The following PLCH1 variants were observed in gnomAD, a reference collection of about 807,000 sequenced individuals.
PLCH1 encodes the protein 1-phosphatidylinositol 4,5-bisphosphate phosphodiesterase eta-1.
A neutral mutation model predicts 126.7 loss-of-function variants in PLCH1; 60 were observed. The observed-to-expected ratio is 0.47, with a 90% CI of 0.38 to 0.59. The LOEUF (loss-of-function observed/expected upper bound fraction) is 0.59, where lower values mean the gene tolerates loss of function less well. Among genes scored for constraint, PLCH1 ranks in the 20% least tolerant of loss-of-function variants. PLCH1 has a pLI of 0.00. For missense variants in PLCH1, 1,723 were observed against 2,040.0 expected (o/e 0.84, Z 2.99); for synonymous variants, 719 against 734.9 (o/e 0.98, Z 0.35).
chr3:155,698,299 G>A (rs186696237), intron 2 of PLCH1, among the ~76,000 whole-genome samples: 1 of 152,314 alleles, frequency 6.6e-6, no homozygotes, highest in East Asian at 1.9e-4. Flanking sequence ...AGCATTCACT[G>A]AGAGGCTTTC....
At chr3:155,603,722 G>C (rs1734029569) in intron 2 of PLCH1, among the ~76,000 whole-genome samples, 1 of 151,954 alleles carries the variant, frequency 6.6e-6, no homozygotes, top group Admixed American at 6.6e-5. Flanking sequence ...AAGCTTTTTA[G>C]AATAATTTTA....
intron 6 of PLCH1, among the ~76,000 whole-genome samples, chr3:155,571,490 T>C (rs1166729811): frequency 6.6e-6 from 1 of 152,184 alleles, no homozygotes; most frequent in Non-Finnish European, 1.5e-5. Context: ...AACCTCTGCT[T>C]ACCGCGTTCA....
Position 155,482,531 on chromosome 3 carries a change from C to A in PLCH1, c.3495G>T (p.Gln1165His). The change falls in exon 23 of 23, where the codon CAG (glutamine) becomes CAT (histidine). Residue 1165 changes from glutamine (Q) to histidine (H), a missense_variant. Gln to His is a conservative substitution (Grantham distance 24). Around this residue, in one of 2 missense-constraint regions of PLCH1, gnomAD observed 947 missense variants for 977.1 expected, o/e 0.97. Transcript: ENST00000460012. ...IPDLHSTAIL[Q>H]ESVISHLIDN... ...CAATAAGATGGGAAATTACACTCTC[C>A]TGCAGAATTGCAGTTGAATGTAGGT... 1 of 1,614,170 alleles carries A rather than the reference C, an allele frequency of 6.2e-7. No homozygotes were observed. Among genetic ancestry groups the A allele is most frequent in the East Asian group, 2.2e-5 (1 of 44,884 alleles).
chr3:155,564,426 G>A (rs1728041749), intron 8 of PLCH1, among the ~76,000 whole-genome samples: 1 of 152,112 alleles, frequency 6.6e-6, no homozygotes, highest in African/African-American at 2.4e-5. Context: ...TTAGTTGGGT[G>A]TGGTGGTGTG....
chr3:155,593,106 G>T (rs753201691), intron 4 of PLCH1, among the ~76,000 whole-genome samples: 4 of 152,064 alleles, frequency 2.6e-5, no homozygotes, highest in Non-Finnish European at 5.9e-5. Flanking sequence ...TCTAATGACG[G>T]CAAGGGAGTA....
chr3:155,685,197 C>T (rs1379362626), intron 2 of PLCH1, among the ~76,000 whole-genome samples: 1 of 152,122 alleles, frequency 6.6e-6, no homozygotes, highest in Non-Finnish European at 1.5e-5. Flanking sequence ...CAAAGGATAA[C>T]AGAGGGACTC....
intron 2 of PLCH1, among the ~76,000 whole-genome samples, chr3:155,597,708 G>A (rs1733157137): frequency 6.6e-6 from 1 of 152,034 alleles, no homozygotes; most frequent in Non-Finnish European, 1.5e-5. Context: ...GCCTATTAAA[G>A]GTCACTTCAA....
intron 2 of PLCH1, among the ~76,000 whole-genome samples, chr3:155,635,060 T>A (rs1394186968): frequency 1.3e-5 from 2 of 151,984 alleles, no homozygotes; most frequent in African/African-American, 2.4e-5. Context: ...GAGGATTCAA[T>A]GAATTAATGT....
At position 155,579,890 on chromosome 3, in the gene PLCH1, CTCTT is replaced by C. The variant is rs570529116; in HGVS notation, c.771+3578_771+3581del. Among the ~76,000 whole-genome samples, 1,296 of 152,086 alleles carry C rather than the reference CTCTT, an allele frequency of 8.5e-3. 10 individuals are homozygous for C. The highest frequency in any genetic ancestry group is 0.011 in the Non-Finnish European group (756 of 67,932). ...TGTGTCTGTCTCTGTCTGTCTGTCT[CTCTT>C]TCTCTCTCTCTCTCTCTCACACACA... On this transcript the variant is annotated intron_variant, in intron 6 of 22. Coordinates refer to ENST00000460012, the MANE Select transcript of PLCH1 (RefSeq NM_014996.4).
At chr3:155,631,098 T>G (rs181770960) in intron 2 of PLCH1, among the ~76,000 whole-genome samples, 184 of 152,336 alleles carry the variant, frequency 1.2e-3, no homozygotes, top group Non-Finnish European at 2.4e-3. Flanking sequence ...AAAATCAAAC[T>G]GGTCCACATT....
At chr3:155,545,166 G>C (rs1394632483) in intron 10 of PLCH1, among the ~76,000 whole-genome samples, 26 of 151,852 alleles carry the variant, frequency 1.7e-4, no homozygotes, top group African/African-American at 6.3e-4. Context: ...AGAAAAGAGA[G>C]AAGAATCAAA....
rs1420352417 is a variant in PLCH1 at position 155,679,084 on chromosome 3, C to A, written c.79+25062G>T. 5.3e-5 allele frequency among the ~76,000 whole-genome samples: 8 copies of A among 152,320 alleles called. No individual in the cohort carries two copies. The East Asian group carries it at 1.4e-3, about 26-fold the overall frequency. ...TGGAGAAAGATGTAAGCCCCAGCCT[C>A]TTCCTTGATTCACTGCCTGGCCTTG... On this transcript the variant is annotated intron_variant, in intron 2 of 22. Transcript: ENST00000460012.
At chr3:155,570,931 A>G (rs1465500275) in intron 6 of PLCH1, among the ~76,000 whole-genome samples, 1 of 152,124 alleles carries the variant, frequency 6.6e-6, no homozygotes, top group African/African-American at 2.4e-5. Context: ...TCAAGATTAG[A>G]CTCCATTCTC....
chr3:155,519,741 A>AT (rs1374424773), intron 11 of PLCH1, among the ~76,000 whole-genome samples: 1 of 149,620 alleles, frequency 6.7e-6, no homozygotes. Context: ...GGAACTTTGC[A>AT]TTAAAAAAAA....
chr3:155,569,323 T>C (rs940917724), intron 6 of PLCH1, among the ~76,000 whole-genome samples: 1 of 152,206 alleles, frequency 6.6e-6, no homozygotes, highest in African/African-American at 2.4e-5. Context: ...TTTTCTCAAA[T>C]ATTCCATTTT....
At chr3:155,519,106 G>C (rs1720728748) in intron 11 of PLCH1, among the ~76,000 whole-genome samples, 1 of 152,206 alleles carries the variant, frequency 6.6e-6, no homozygotes, top group South Asian at 2.1e-4. Flanking sequence ...TAAATGTGTG[G>C]CTGAGGTTTC....
intron 2 of PLCH1, among the ~76,000 whole-genome samples, chr3:155,686,115 C>A (rs1169257060): frequency 6.6e-6 from 1 of 152,014 alleles, no homozygotes; most frequent in Non-Finnish European, 1.5e-5. Context: ...AAAAAATAAT[C>A]GTGTGTGCGT....
At chr3:155,471,543 C>G (rs1199195508) in intron 21 of PLCH1, among the ~76,000 whole-genome samples, 1 of 145,674 alleles carries the variant, frequency 6.9e-6, no homozygotes, top group African/African-American at 2.6e-5. Flanking sequence ...ACAAGGATAC[C>G]CAGGAATTGA....
Position 155,588,187 on chromosome 3 carries a change from C to A in PLCH1, c.471-1993G>T, listed in dbSNP as rs139480111. On this transcript the variant is annotated intron_variant, in intron 4 of 22. Coordinates refer to ENST00000460012, the MANE Select transcript of PLCH1 (RefSeq NM_014996.4). ...CGCCTTACTTCATATTTTGTAAATA[C>A]CTTATTTCATATTTTTTCCCTTTAA... Among the ~76,000 whole-genome samples the A allele has an allele frequency of 4.2e-3, 639 of 152,166 alleles. 1 individual carries two copies. Among genetic ancestry groups the A allele is most frequent in the Admixed American group, 7.1e-3 (108 of 15,292 alleles).
Sources: allele counts gnomAD v4.1 joint callset (sites outside exome capture counted in the v4.1 genomes callset), GRCh38; gene constraint gnomAD v4.1.1; regional missense constraint gnomAD v4.1.1; transcripts MANE v1.5; gene names NCBI Gene and HGNC (gene_info 2026-07-23, HGNC 2026-07-21).